PON3: variants seen among roughly 807,000 people sequenced by gnomAD.
The protein encoded by PON3 is paraoxonase 3.
A neutral mutation model predicts 36.3 loss-of-function variants in PON3; 37 were observed. That is an observed-to-expected ratio of 1.02 (90% confidence interval 0.78 to 1.34). The LOEUF (loss-of-function observed/expected upper bound fraction) is 1.34. Among genes scored for constraint, PON3 ranks in the 40% most tolerant of loss-of-function variants. The pLI, the probability that PON3 is intolerant of heterozygous loss-of-function variation, is 0.00. For synonymous variants in PON3, 155 were observed against 154.8 expected (o/e 1.00, Z -0.01); for missense variants, 415 against 426.5 (o/e 0.97, Z 0.24).
At chr7:95,385,214 G>C (rs1809161474) in intron 3 of PON3, among the ~76,000 whole-genome samples, 1 of 152,098 alleles carries the variant, frequency 6.6e-6, no homozygotes, top group African/African-American at 2.4e-5. Flanking sequence ...GGGGTAGGGG[G>C]AAGAGGGAGG....
At chr7:95,380,326 C>A (rs1196159687) in intron 3 of PON3, among the ~76,000 whole-genome samples, 1 of 152,290 alleles carries the variant, frequency 6.6e-6, no homozygotes, top group East Asian at 1.9e-4. Context: ...CAGCTCCTCA[C>A]CAGCAATGGA....
At chr7:95,390,288 T>C (rs1244055918) in intron 2 of PON3, 79 bp from the exon 3 acceptor site, 2 of 1,154,996 alleles carry the variant, frequency 1.7e-6, no homozygotes, top group East Asian at 2.3e-5. Context: ...ACTACAAATA[T>C]CTTTTGGAAA....
chr7:95,375,357 T>C (rs1052472708), intron 3 of PON3, among the ~76,000 whole-genome samples: 1 of 149,958 alleles, frequency 6.7e-6, no homozygotes, highest in Non-Finnish European at 1.5e-5. Flanking sequence ...CACACTCACA[T>C]ATGTTAAAAA....
intron 3 of PON3, among the ~76,000 whole-genome samples, chr7:95,375,335 T>C (rs1284582466): frequency 6.7e-6 from 1 of 150,226 alleles, no homozygotes; most frequent in Non-Finnish European, 1.5e-5. Flanking sequence ...TATATATGTA[T>C]GTATATATAT....
At chr7:95,393,999 T>C (rs1217954708) in intron 2 of PON3, among the ~76,000 whole-genome samples, 3 of 152,140 alleles carry the variant, frequency 2.0e-5, no homozygotes, top group East Asian at 3.9e-4. Flanking sequence ...CTGGTTCAAG[T>C]GATTCTCCTG....
At chr7:95,389,332 C>CT (rs935952293) in intron 3 of PON3, among the ~76,000 whole-genome samples, 12 of 151,992 alleles carry the variant, frequency 7.9e-5, no homozygotes, top group African/African-American at 2.7e-4. Flanking sequence ...ATAAGTACCC[C>CT]TTTTTTGGCC....
At chr7:95,380,229 A>T (rs1410910665) in intron 3 of PON3, among the ~76,000 whole-genome samples, 1 of 152,212 alleles carries the variant, frequency 6.6e-6, no homozygotes, top group Non-Finnish European at 1.5e-5. Flanking sequence ...GACCAAAGGT[A>T]GATAAAACCA....
chr7:95,361,766 T>G (rs2116373214), intron 8 of PON3, among the ~76,000 whole-genome samples: 1 of 152,286 alleles, frequency 6.6e-6, no homozygotes, highest in East Asian at 1.9e-4. Context: ...CACTAAAGAT[T>G]TTTAAATTGT....
chr7:95,390,263 C>A (rs112989056), intron 2 of PON3, 54 bp from the exon 3 acceptor site: 1 of 1,341,638 alleles, frequency 7.5e-7, no homozygotes, highest in African/African-American at 1.4e-5. Context: ...TTAAAAAATA[C>A]GTCTCACAGT....
At chr7:95,378,657 C>T (rs1808974413) in intron 3 of PON3, among the ~76,000 whole-genome samples, 1 of 152,168 alleles carries the variant, frequency 6.6e-6, no homozygotes, top group Non-Finnish European at 1.5e-5. Context: ...CCAAACTAAG[C>T]TTCATAAGTG....
At position 95,362,843 on chromosome 7, in the gene PON3, T is replaced by G; in HGVS notation, c.696-2A>C. The G allele has an allele frequency of 6.2e-7, 1 of 1,601,754 alleles. No homozygotes were observed. The highest frequency in any genetic ancestry group is 1.1e-5 in the South Asian group (1 of 90,794). ...GCTACATCAGCTACATAGACATACC[T>G]TTGAAGTAAATGACATTTACACTTA... On this transcript the variant is annotated splice_acceptor_variant, in intron 6 of 8. Transcript: ENST00000265627. LOFTEE classifies it high-confidence loss of function.
rs564099411 is a variant in PON3 at position 95,367,610 on chromosome 7, A to G, written c.368-122T>C. 68 of 1,003,526 alleles carry G rather than the reference A, an allele frequency of 6.8e-5. 1 individual carries two copies. The highest frequency in any genetic ancestry group is 4.7e-5 in the Non-Finnish European group (31 of 653,888). The allele number at this position is 1,003,526 out of a possible 1,614,324, so 62.2% of individuals were successfully genotyped here. A position where few individuals can be genotyped will look rare whatever the true frequency, so the allele number is the denominator to read the frequency against. On this transcript the variant is annotated intron_variant, in intron 4 of 8. Transcript: ENST00000265627. ...CTTACATCTTGCATTTTACCCTCAC[A>G]GTCTACATGATAGGTAAGTCAGACA...
chr7:95,364,823 T>C (rs1407901795), intron 5 of PON3: 1 of 152,100 alleles, frequency 6.6e-6, no homozygotes, highest in Non-Finnish European at 1.5e-5. Context: ...CTTACGTTCT[T>C]CAATATCATT....
chr7:95,396,048 C>T, intron 1 of PON3: 1 of 587,706 alleles, frequency 1.7e-6, no homozygotes, highest in Non-Finnish European at 3.1e-6. Flanking sequence ...GGGATCATAA[C>T]CTTCAAAAAA....
intron 1 of PON3, 37 bp downstream of exon 1, chr7:95,396,236 GAGAA>G (rs1484210979): frequency 6.2e-7 from 1 of 1,603,776 alleles, no homozygotes. Flanking sequence ...TGGAAGAGGA[GAGAA>G]AGAGAGTCGA....
intron 5 of PON3, chr7:95,366,059 C>A (rs1004613899): frequency 6.6e-6 from 1 of 151,936 alleles, no homozygotes; most frequent in Non-Finnish European, 1.5e-5. Context: ...CAGGGGGACA[C>A]AAAATTCAAC....
At chr7:95,378,551 A>G (rs1808972458) in intron 3 of PON3, among the ~76,000 whole-genome samples, 1 of 152,228 alleles carries the variant, frequency 6.6e-6, no homozygotes, top group South Asian at 2.1e-4. Flanking sequence ...CTAACAGCTG[A>G]TCTCTCGGCA....
chr7:95,392,528 A>G (rs976394862), intron 2 of PON3, among the ~76,000 whole-genome samples: 3 of 152,230 alleles, frequency 2.0e-5, no homozygotes, highest in African/African-American at 7.2e-5. Flanking sequence ...AAAACAGTAA[A>G]CAAATGAGTA....
At chr7:95,388,981 C>G (rs544725170) in intron 3 of PON3, among the ~76,000 whole-genome samples, 2 of 152,136 alleles carry the variant, frequency 1.3e-5, no homozygotes, top group South Asian at 2.1e-4. Flanking sequence ...GGAGAAATAC[C>G]TAATGTAAAT....
Sources: gnomAD v4.1 joint callset for allele counts (sites outside exome capture counted in the v4.1 genomes callset) on GRCh38, gnomAD v4.1.1 for gene constraint, MANE v1.5 for transcripts, NCBI Gene and HGNC (gene_info 2026-07-23, HGNC 2026-07-21) for gene names.